TMEM131: variants seen among roughly 807,000 people sequenced by gnomAD.
TMEM131 encodes the protein 2610524E03Rik.
TMEM131 carries 66 observed loss-of-function variants against 211.6 expected under a neutral mutation model. That is an observed-to-expected ratio of 0.31 (90% CI 0.26 to 0.38). The LOEUF (loss-of-function observed/expected upper bound fraction) is 0.38, where lower values mean the gene tolerates loss of function less well. Among genes scored for constraint, TMEM131 ranks in the 10% least tolerant of loss-of-function variants. The probability of loss-of-function intolerance (pLI) is 1.00; values close to 1 mark genes in which losing one functional copy is unlikely to be tolerated. For synonymous variants in TMEM131, 844 were observed against 841.3 expected (o/e 1.00, Z -0.06); for missense variants, 2,036 against 2,299.3 (o/e 0.89, Z 2.34).
chr2:97,906,780 G>A (rs1018712373), intron 3 of TMEM131, among the ~76,000 whole-genome samples: 1 of 152,188 alleles, frequency 6.6e-6, no homozygotes, highest in East Asian at 1.9e-4. Context: ...CTCCCCAGCT[G>A]AGTCCCCAGA....
intron 25 of TMEM131, among the ~76,000 whole-genome samples, chr2:97,799,141 G>C (rs1341485979): frequency 6.6e-6 from 1 of 152,022 alleles, no homozygotes; most frequent in African/African-American, 2.4e-5. Context: ...TTTTCACTAT[G>C]TTGGCATCTG....
intron 1 of TMEM131, among the ~76,000 whole-genome samples, chr2:97,937,266 G>A (rs1411237545): frequency 6.6e-6 from 1 of 152,060 alleles, no homozygotes; most frequent in Non-Finnish European, 1.5e-5. Context: ...GGACATAAAA[G>A]TACAATAACT....
At chr2:97,974,333 T>C (rs572173010) in intron 1 of TMEM131, among the ~76,000 whole-genome samples, 1 of 152,094 alleles carries the variant, frequency 6.6e-6, no homozygotes, top group African/African-American at 2.4e-5. Flanking sequence ...AACAGTGCAA[T>C]GTGCTGTGGG....
chr2:97,964,968 T>G (rs1678984778), intron 1 of TMEM131, among the ~76,000 whole-genome samples: 1 of 152,208 alleles, frequency 6.6e-6, no homozygotes, highest in Non-Finnish European at 1.5e-5. Context: ...GTCTCCCCTG[T>G]GTGAGACACC....
intron 31 of TMEM131, 37 bp from the exon 32 acceptor site, chr2:97,776,055 T>C (rs773416510): frequency 6.3e-7 from 1 of 1,584,456 alleles, no homozygotes; most frequent in Admixed American, 1.9e-5. Context: ...ACTCTTGTTT[T>C]TGTTTCTTTT....
At position 97,827,229 on chromosome 2, in the gene TMEM131, C is replaced by T. The variant is rs527731478; in HGVS notation, c.1074+6136G>A. On this transcript the variant is annotated intron_variant, in intron 11 of 40. Transcript: ENST00000186436. ...CCGCGGCCCGCAGGCACCTGGCACG[C>T]GCCTTCCCCGCCGCCAGGATGCCCA... 1,160 of 754,654 alleles carry T rather than the reference C, an allele frequency of 1.5e-3. 6 individuals are homozygous for T. The highest frequency in any genetic ancestry group is 3.8e-3 in the Middle Eastern group (15 of 3,978). The allele number at this position is 754,654 out of a possible 1,614,324, so 46.7% of individuals were successfully genotyped here. A position where few individuals can be genotyped will look rare whatever the true frequency, so the allele number is the denominator to read the frequency against.
chr2:97,832,564 T>C (rs1282362757), intron 11 of TMEM131, among the ~76,000 whole-genome samples: 2 of 152,242 alleles, frequency 1.3e-5, no homozygotes, highest in African/African-American at 4.8e-5. Context: ...AATCTGGGTA[T>C]GGCCATCGAT....
chr2:97,780,406 CCTTGT>C (rs1288057175), intron 31 of TMEM131, among the ~76,000 whole-genome samples: 1 of 152,190 alleles, frequency 6.6e-6, no homozygotes, highest in Non-Finnish European at 1.5e-5. Context: ...CCCGTAATGG[CCTTGT>C]CTCCCTGATG....
chr2:97,978,114 T>C (rs771913064), intron 1 of TMEM131, among the ~76,000 whole-genome samples: 1 of 151,838 alleles, frequency 6.6e-6, no homozygotes, highest in Non-Finnish European at 1.5e-5. Context: ...TAAATAATAA[T>C]AATAAAAAAC....
Position 97,802,487 on chromosome 2 carries a change from C to G in TMEM131, c.2592G>C (p.Gln864His). The stretch of plus-strand genomic sequence containing the variant: ...TGGAATATAAAGCCAGAGGAATAAA[C>G]TGAACATAGACAGGAACATCTGCAG... ...ENPADVPVYV[Q>H]FIPLALYSNP... Residue 864 changes from glutamine (Q) to histidine (H), a missense_variant, in exon 24 of 41, where the codon CAG (glutamine) becomes CAC (histidine). By Grantham distance (24) the Gln-to-His change is conservative (BLOSUM62 0). Around this residue, in one of 3 missense-constraint regions of TMEM131, gnomAD observed 1,623 missense variants for 1,805.9 expected, o/e 0.90. Coordinates refer to ENST00000186436, the MANE Select transcript of TMEM131 (RefSeq NM_015348.2). 1.2e-6 allele frequency: 2 copies of G among 1,612,516 alleles called. No homozygotes were observed. The highest frequency in any genetic ancestry group is 1.7e-6 in the Non-Finnish European group (2 of 1,179,388).
chr2:97,919,120 C>T (rs1676632888), intron 2 of TMEM131, among the ~76,000 whole-genome samples: 1 of 152,198 alleles, frequency 6.6e-6, no homozygotes, highest in Admixed American at 6.5e-5. Flanking sequence ...TAGAAGTTGT[C>T]AAGCTTCATA....
chr2:97,923,439 A>G (rs1395117074), intron 2 of TMEM131, among the ~76,000 whole-genome samples: 1 of 151,986 alleles, frequency 6.6e-6, no homozygotes, highest in East Asian at 1.9e-4. Flanking sequence ...CCTGGGCAAC[A>G]TAGTGAGAAC....
At chr2:97,966,423 A>G (rs923432948) in intron 1 of TMEM131, among the ~76,000 whole-genome samples, 1 of 152,154 alleles carries the variant, frequency 6.6e-6, no homozygotes, top group Non-Finnish European at 1.5e-5. Flanking sequence ...CTTGATCTTA[A>G]AAGTATTTTG....
At position 97,882,802 on chromosome 2, in the gene TMEM131, T is replaced by C. The variant is rs1357694999; in HGVS notation, c.359+5250A>G. On this transcript the variant is annotated intron_variant, in intron 4 of 40. Transcript: ENST00000186436. ...TTACACATGTTGGTTCACACCTGCC[T>C]GCAACCCCTACTTCTACAGATCCAC... Among the ~76,000 whole-genome samples the C allele has an allele frequency of 3.3e-5, 5 of 152,348 alleles. No individual in the cohort carries two copies. The East Asian group carries it at 7.7e-4, about 23-fold the overall frequency.
chr2:97,837,593 T>C (rs956348730), intron 7 of TMEM131, among the ~76,000 whole-genome samples: 2 of 152,180 alleles, frequency 1.3e-5, no homozygotes, highest in African/African-American at 4.8e-5. Context: ...AATTGTGAGA[T>C]GGGGAAGAGT....
At chr2:97,977,685 T>G (rs1679603018) in intron 1 of TMEM131, among the ~76,000 whole-genome samples, 1 of 152,236 alleles carries the variant, frequency 6.6e-6, no homozygotes, top group African/African-American at 2.4e-5. Flanking sequence ...AACAATTATC[T>G]GAACCTTCAG....
intron 39 of TMEM131, 160 bp from the exon 40 acceptor site, chr2:97,759,213 T>G (rs540769153): frequency 3.5e-6 from 3 of 849,060 alleles, no homozygotes; most frequent in East Asian, 2.5e-5. Context: ...GGGGCAGGAG[T>G]GTCCTCCAGA....
chr2:97,808,011 G>C lies in TMEM131; in HGVS notation c.2055+1677C>G, dbSNP rs561488182. On this transcript the variant is annotated intron_variant, in intron 19 of 40. Coordinates refer to ENST00000186436, the MANE Select transcript of TMEM131 (RefSeq NM_015348.2). Reference sequence around the variant, plus strand: ...CCCTTATTTAAAATGCTTGGGGCCAGAAGTGTTTTAGATTTTTTTTTTGGA... The same window carrying C: ...CCCTTATTTAAAATGCTTGGGGCCACAAGTGTTTTAGATTTTTTTTTTGGA... Among the ~76,000 whole-genome samples, 40 of 152,218 alleles carry C rather than the reference G, an allele frequency of 2.6e-4. 1 individual carries two copies. Among genetic ancestry groups the C allele is most frequent in the Admixed American group, 1.4e-3 (21 of 15,298 alleles).
At chr2:97,915,238 T>C (rs1321068322) in intron 2 of TMEM131, among the ~76,000 whole-genome samples, 2 of 152,254 alleles carry the variant, frequency 1.3e-5, no homozygotes, top group African/African-American at 2.4e-5. Context: ...ACTAGGTCCA[T>C]TGTCAGGTGT....
Sources: allele counts gnomAD v4.1 joint callset (sites outside exome capture counted in the v4.1 genomes callset), GRCh38; gene constraint gnomAD v4.1.1; regional missense constraint gnomAD v4.1.1; transcripts MANE v1.5; gene names NCBI Gene and HGNC (gene_info 2026-07-23, HGNC 2026-07-21).